Variants in ACTR3C observed in about 807,000 individuals in gnomAD.
ACTR3C encodes actin-related protein 3C.
Under a neutral mutation model 26.3 loss-of-function variants are expected in ACTR3C, and 18 were observed. The ratio of observed to expected loss-of-function variants is 0.68; its 90% CI spans 0.47 to 1.01. ACTR3C has a LOEUF of 1.01. ACTR3C is among the 50% of genes least tolerant of loss of function. The pLI is 0.00. For missense variants in ACTR3C, 184 were observed against 250.7 expected (o/e 0.73, Z 1.80); for synonymous variants, 55 against 94.5 (o/e 0.58, Z 2.42).
At chr7:150,147,650 T>C in the ACTR3C span, among the ~76,000 whole-genome samples, 1 of 152,154 alleles carries the variant, frequency 6.6e-6, no homozygotes, top group African/African-American at 2.4e-5. Flanking sequence ...TTCCCCACAT[T>C]TGGCATCTCT....
At chr7:150,297,717 T>G (rs1158836066) in intron 1 of ACTR3C, among the ~76,000 whole-genome samples, 1 of 152,168 alleles carries the variant, frequency 6.6e-6, no homozygotes, top group Non-Finnish European at 1.5e-5. Flanking sequence ...CCAGGCATGG[T>G]GGTGTGCACC....
chr7:150,252,211 G>T (rs1321259925), intron 6 of ACTR3C, among the ~76,000 whole-genome samples: 1 of 152,044 alleles, frequency 6.6e-6, no homozygotes, highest in Non-Finnish European at 1.5e-5. Flanking sequence ...AAATTCCTAT[G>T]GGTGACTTAA....
chr7:150,202,381 T>C, the ACTR3C span, among the ~76,000 whole-genome samples: 1 of 152,242 alleles, frequency 6.6e-6, no homozygotes, highest in Non-Finnish European at 1.5e-5. Context: ...TTTTTACTGT[T>C]ACTATTTGAT....
chr7:150,009,826 C>G, the ACTR3C span, among the ~76,000 whole-genome samples: 1 of 152,242 alleles, frequency 6.6e-6, no homozygotes, highest in Non-Finnish European at 1.5e-5. Context: ...GCGGCTAATT[C>G]TCTCCTCTGT....
the ACTR3C span, among the ~76,000 whole-genome samples, chr7:150,199,088 C>T: frequency 6.7e-6 from 1 of 149,784 alleles, no homozygotes; most frequent in Non-Finnish European, 1.5e-5. Flanking sequence ...CCCGGCCGCC[C>T]CCCCGTCTGG....
At chr7:149,985,907 C>T in the ACTR3C span, among the ~76,000 whole-genome samples, 13 of 152,214 alleles carry the variant, frequency 8.5e-5, no homozygotes, top group African/African-American at 3.1e-4. Context: ...TCCTGCCTCA[C>T]ATGCACCCTC....
the ACTR3C span, among the ~76,000 whole-genome samples, chr7:150,220,728 C>G: frequency 2.0e-5 from 3 of 152,278 alleles, no homozygotes; most frequent in Non-Finnish European, 4.4e-5. Flanking sequence ...CCGCGAAAGC[C>G]AGGGAGTCGC....
chr7:150,035,969 A>G, the ACTR3C span, among the ~76,000 whole-genome samples: 375 of 115,712 alleles, frequency 3.2e-3, 57 homozygotes, highest in Non-Finnish European at 5.3e-3. Flanking sequence ...GGGAAGAGGG[A>G]CTGGCTCTCA....
chr7:149,902,427 AT>A, the ACTR3C span, among the ~76,000 whole-genome samples: 64,228 of 148,152 alleles, frequency 0.43, 13,840 homozygotes, highest in African/African-American at 0.51. Flanking sequence ...TGTACTTCAT[AT>A]TTCATAGCCA....
chr7:150,127,579 C>A, the ACTR3C span, among the ~76,000 whole-genome samples: 1 of 151,836 alleles, frequency 6.6e-6, no homozygotes, highest in Admixed American at 6.6e-5. Context: ...GGAAGAAAAG[C>A]CAAGAAGAGT....
the ACTR3C span, among the ~76,000 whole-genome samples, chr7:150,224,808 G>A: frequency 6.6e-6 from 1 of 152,166 alleles, no homozygotes; most frequent in Admixed American, 6.5e-5. Context: ...TTAACATTCT[G>A]CTCCACGGGA....
chr7:150,006,649 T>C, the ACTR3C span, among the ~76,000 whole-genome samples: 5 of 151,036 alleles, frequency 3.3e-5, no homozygotes, highest in African/African-American at 1.2e-4. Flanking sequence ...CCTGGTGCCC[T>C]CAACAACCCA....
intron 1 of ACTR3C, among the ~76,000 whole-genome samples, chr7:150,301,059 A>T (rs1795408874): frequency 2.0e-5 from 3 of 152,124 alleles, no homozygotes; most frequent in Admixed American, 6.6e-5. Flanking sequence ...ATGAGTTAAT[A>T]CTTATAAACA....
At chr7:150,211,579 C>A in the ACTR3C span, among the ~76,000 whole-genome samples, 2 of 149,376 alleles carry the variant, frequency 1.3e-5, no homozygotes, top group Non-Finnish European at 1.5e-5. Context: ...CCATGCCCGG[C>A]CCATGGTTCT....
At chr7:150,136,669 C>G in the ACTR3C span, among the ~76,000 whole-genome samples, 1 of 148,374 alleles carries the variant, frequency 6.7e-6, no homozygotes, top group South Asian at 2.1e-4. Context: ...GACTCCATCT[C>G]ATAAATAAAT....
chr7:150,034,633 T>C, the ACTR3C span, among the ~76,000 whole-genome samples: 2 of 150,772 alleles, frequency 1.3e-5, 1 homozygote, highest in Non-Finnish European at 3.0e-5. Context: ...GTTCCCGAGC[T>C]GCCTTCGGAC....
At chr7:150,024,337 C>T in the ACTR3C span, among the ~76,000 whole-genome samples, 20 of 152,056 alleles carry the variant, frequency 1.3e-4, no homozygotes, top group Non-Finnish European at 2.9e-4. Context: ...TGGATGAACC[C>T]TGGATTCTGC....
chr7:150,149,080 TATA>T, the ACTR3C span, among the ~76,000 whole-genome samples: 1 of 148 alleles, frequency 6.8e-3, no homozygotes, highest in African/African-American at 0.019. Context: ...AAAGTTTGAG[TATA>T]TATATATATA....
the ACTR3C span, among the ~76,000 whole-genome samples, chr7:150,144,570 C>G: frequency 1.3e-5 from 2 of 151,924 alleles, no homozygotes; most frequent in East Asian, 3.9e-4. This position sits in a 1 kb window ranked among gnomAD's most constrained non-coding sequence, Gnocchi z 4.6. Flanking sequence ...TTTAATCATC[C>G]CCATCATACT....
Sources: gnomAD v4.1 joint callset for allele counts (sites outside exome capture counted in the v4.1 genomes callset) on GRCh38, gnomAD v4.1.1 for gene constraint, Gnocchi (gnomAD v3.1) non-coding constraint, MANE v1.5 for transcripts, NCBI Gene and HGNC (gene_info 2026-07-23, HGNC 2026-07-21) for gene names.